CNTNAP2: variants seen among roughly 807,000 people sequenced by gnomAD.
CNTNAP2 encodes contactin-associated protein-like 2.
In CNTNAP2, 98 loss-of-function variants were observed where a neutral mutation model predicts 155.2. The observed-to-expected ratio is 0.63, with a 90% CI of 0.54 to 0.75. CNTNAP2 has a LOEUF of 0.75. Ranked by LOEUF, CNTNAP2 falls within the 30% of genes least tolerant of loss-of-function variation. CNTNAP2 has a pLI of 0.00. For missense variants in CNTNAP2, 1,727 were observed against 1,688.1 expected (o/e 1.02, Z -0.40); for synonymous variants, 651 against 631.2 (o/e 1.03, Z -0.47).
chr7:146,583,617 TA>T (rs1389451671), intron 1 of CNTNAP2, among the ~76,000 whole-genome samples: 1 of 152,096 alleles, frequency 6.6e-6, no homozygotes, highest in African/African-American at 2.4e-5. Context: ...ATTGAAAAAA[TA>T]CATAGTTTAA....
intron 1 of CNTNAP2, among the ~76,000 whole-genome samples, chr7:146,258,907 G>A (rs2129081171): frequency 6.6e-6 from 1 of 152,292 alleles, no homozygotes; most frequent in Non-Finnish European, 1.5e-5. Flanking sequence ...CATACTGAGT[G>A]ATATGGTTTG....
intron 1 of CNTNAP2, among the ~76,000 whole-genome samples, chr7:146,504,128 C>G (rs1584954645): frequency 6.6e-6 from 1 of 152,234 alleles, no homozygotes; most frequent in South Asian, 2.1e-4. Flanking sequence ...TTCTCCTGAC[C>G]AAAGCACAGC....
At chr7:147,488,064 G>A (rs543317418) in intron 11 of CNTNAP2, among the ~76,000 whole-genome samples, 13 of 152,024 alleles carry the variant, frequency 8.6e-5, no homozygotes, top group East Asian at 5.8e-4. Flanking sequence ...TTTTTCTTTC[G>A]AAAAATATAC....
At chr7:148,027,026 C>A (rs1047316558) in intron 15 of CNTNAP2, among the ~76,000 whole-genome samples, 2 of 152,182 alleles carry the variant, frequency 1.3e-5, no homozygotes, top group African/African-American at 4.8e-5. Context: ...AAATATAGAG[C>A]AGTTTCCGAC....
At chr7:147,364,100 A>G (rs1796188025) in intron 9 of CNTNAP2, among the ~76,000 whole-genome samples, 2 of 152,182 alleles carry the variant, frequency 1.3e-5, no homozygotes, top group Non-Finnish European at 2.9e-5. Context: ...ACAGATTTTA[A>G]GATATTATCT....
chr7:147,812,975 A>C (rs1798205316), intron 13 of CNTNAP2, among the ~76,000 whole-genome samples: 1 of 152,174 alleles, frequency 6.6e-6, no homozygotes, highest in African/African-American at 2.4e-5. Flanking sequence ...TAAGACAATA[A>C]ATTAAATTAC....
chr7:146,891,925 C>T (rs1795786354), intron 3 of CNTNAP2, among the ~76,000 whole-genome samples: 1 of 152,168 alleles, frequency 6.6e-6, no homozygotes, highest in African/African-American at 2.4e-5. Context: ...CATACACATT[C>T]TACTACTCAT....
rs186337302 is a variant in CNTNAP2, at chr7:146,705,625, T to C, written c.98-68646T>C. On this transcript the variant is annotated intron_variant, in intron 1 of 23. Coordinates refer to ENST00000361727, the MANE Select transcript of CNTNAP2 (RefSeq NM_014141.6). Reference sequence around the variant, plus strand: ...AGGCTTAATGGACTCACAGTCCACATGGCTGGGAGACCTCACAATCATGGC... The same window carrying C: ...AGGCTTAATGGACTCACAGTCCACACGGCTGGGAGACCTCACAATCATGGC... Among the ~76,000 whole-genome samples, 10 of 152,096 alleles carry C rather than the reference T, an allele frequency of 6.6e-5. No individual in the cohort carries two copies. The East Asian group carries it at 1.7e-3, about 26-fold the overall frequency.
At chr7:148,119,414 C>T (rs555807217) in intron 16 of CNTNAP2, among the ~76,000 whole-genome samples, 3 of 151,840 alleles carry the variant, frequency 2.0e-5, no homozygotes, top group South Asian at 2.1e-4. Flanking sequence ...CGCCTGTAGT[C>T]CCAGCTACTT....
intron 3 of CNTNAP2, among the ~76,000 whole-genome samples, chr7:146,916,424 A>G (rs1229239225): frequency 6.6e-6 from 1 of 152,010 alleles, no homozygotes; most frequent in East Asian, 1.9e-4. Flanking sequence ...TAAATGTCTG[A>G]TTGAATTCAA....
rs559179496 is a variant in CNTNAP2, at chr7:147,107,356, A to T, written c.551-791A>T. ...TTTCTGATCATATTTCCCATTTTTTAAAAAGTTTACATACTTTCCTTATTT... is the reference window on the plus strand; with the variant it reads ...TTTCTGATCATATTTCCCATTTTTTTAAAAGTTTACATACTTTCCTTATTT... On this transcript the variant is annotated intron_variant, in intron 4 of 23. Coordinates refer to ENST00000361727, the MANE Select transcript of CNTNAP2 (RefSeq NM_014141.6). 2.0e-5 allele frequency among the ~76,000 whole-genome samples: 3 copies of T among 152,256 alleles called. No homozygotes were observed. In the East Asian group the frequency reaches 5.8e-4, roughly 29 times the overall value.
chr7:148,322,672 G>A (rs1177543832), intron 21 of CNTNAP2, among the ~76,000 whole-genome samples: 2 of 151,828 alleles, frequency 1.3e-5, no homozygotes. Flanking sequence ...TCCACAATCT[G>A]GTTATATATC....
chr7:146,431,720 G>A (rs1796176123), intron 1 of CNTNAP2, among the ~76,000 whole-genome samples: 1 of 152,046 alleles, frequency 6.6e-6, no homozygotes, highest in African/African-American at 2.4e-5. Context: ...TGGTTAGTAA[G>A]TAAGAAAAAG....
chr7:147,106,920 A>G (rs1021400219), intron 4 of CNTNAP2, among the ~76,000 whole-genome samples: 17 of 152,144 alleles, frequency 1.1e-4, no homozygotes. Flanking sequence ...CTAGGACATG[A>G]AATGAGAAAA....
chr7:146,397,871 C>CTTTTTTTTTTTTTTTTT (rs1438446898), intron 1 of CNTNAP2, among the ~76,000 whole-genome samples: 4 of 126,918 alleles, frequency 3.2e-5, no homozygotes, highest in African/African-American at 1.0e-4. Flanking sequence ...ATTTGACAGG[C>CTTTTTTTTTTTTTTTTT]TTTTATTTAT....
intron 2 of CNTNAP2, among the ~76,000 whole-genome samples, chr7:146,777,459 G>C (rs1334864605): frequency 2.6e-5 from 4 of 152,116 alleles, no homozygotes; most frequent in East Asian, 3.9e-4. Flanking sequence ...CTTCACCCTT[G>C]TTGGCCACGT....
chr7:146,990,970 T>C (rs1437339582), intron 3 of CNTNAP2, among the ~76,000 whole-genome samples: 1 of 152,122 alleles, frequency 6.6e-6, no homozygotes, highest in African/African-American at 2.4e-5. Context: ...TTAGTTCATA[T>C]GTGAAACCCC....
At chr7:146,726,541 A>C (rs967331145) in intron 1 of CNTNAP2, among the ~76,000 whole-genome samples, 25 of 152,294 alleles carry the variant, frequency 1.6e-4, no homozygotes, top group Non-Finnish European at 3.2e-4. Context: ...GTGGGCAATT[A>C]GATGAACTGA....
At chr7:146,506,671 A>C (rs1563111673) in intron 1 of CNTNAP2, among the ~76,000 whole-genome samples, 2 of 152,260 alleles carry the variant, frequency 1.3e-5, no homozygotes, top group Non-Finnish European at 2.9e-5. Flanking sequence ...TGTAACTTTC[A>C]GGTAGTTAAC....
Sources: gnomAD v4.1 joint callset for allele counts (sites outside exome capture counted in the v4.1 genomes callset) on GRCh38, gnomAD v4.1.1 for gene constraint, MANE v1.5 for transcripts, NCBI Gene and HGNC (gene_info 2026-07-23, HGNC 2026-07-21) for gene names.